The following ZNF121 variants were observed in gnomAD, a reference collection of about 807,000 sequenced individuals.
The protein encoded by ZNF121 is zinc finger protein 121 (clone ZHC32).
A neutral mutation model predicts 2.4 loss-of-function variants in ZNF121; 1 was observed. That is an observed-to-expected ratio of 0.41 (90% confidence interval 0.15 to 1.94). The LOEUF is 1.94. Ranked by LOEUF, ZNF121 falls within the 30% of genes most tolerant of loss-of-function variation. The probability of loss-of-function intolerance (pLI) is 0.30; values close to 1 mark genes in which losing one functional copy is unlikely to be tolerated. For missense variants in ZNF121, 369 were observed against 466.3 expected (o/e 0.79, Z 1.92); for synonymous variants, 173 against 158.6 (o/e 1.09, Z -0.68).
rs1272258821 is a variant in ZNF121, at chr19:9,560,526, C to T, written c.*5414G>A. The T allele has an allele frequency of 6.6e-6, 1 of 152,180 alleles. No individual in the cohort carries two copies. Among genetic ancestry groups the T allele is most frequent in the Non-Finnish European group, 1.5e-5 (1 of 68,038 alleles). 9.4% of individuals were successfully genotyped at this position (152,180 alleles called of 1,614,324 possible). ...CTCCTCCACCAGCTTGTGGCAAATA[C>T]CGCAGTACTTTGTTCTTCTGAGTTT... On this transcript the variant is annotated 3_prime_UTR_variant, in exon 4 of 4. Transcript: ENST00000320451.
At position 9,567,108 on chromosome 19, in the gene ZNF121, G is replaced by A; in HGVS notation, c.5C>T (p.Ala2Val). The A allele has an allele frequency of 6.2e-7, 1 of 1,603,956 alleles. No individual in the cohort carries two copies. The highest frequency in any genetic ancestry group is 8.5e-7 in the Non-Finnish European group (1 of 1,174,918). The change falls in exon 4 of 4, where the codon GCA becomes GTA. Residue 2 changes from alanine (A) to valine (V), a missense_variant and splice_region_variant. Ala to Val is a moderately conservative substitution (Grantham distance 64). Around this residue, in one of 4 missense-constraint regions of ZNF121, gnomAD observed 168 missense variants for 162.3 expected, o/e 1.03. Transcript: ENST00000320451. ...GAGTTCCCCTCCATTGTGGATTTCT[G>A]CCTGTTAATAAAGGGATGAATGATG... Reference protein sequence around the residue: MAEIHNGGELCD... With the variant: MVEIHNGGELCD...
intron 1 of ZNF121, among the ~76,000 whole-genome samples, chr19:9,578,708 C>G (rs957505545): frequency 6.6e-6 from 1 of 152,166 alleles, no homozygotes; most frequent in African/African-American, 2.4e-5. Flanking sequence ...TTAAAGACAT[C>G]TAACACCTGA....
At chr19:9,568,918 C>T (rs572160290) in intron 2 of ZNF121, 84 bp downstream of exon 2, 1 of 152,532 alleles carries the variant, frequency 6.6e-6, no homozygotes, top group Non-Finnish European at 1.5e-5. Context: ...TGTTCTGTGA[C>T]AAAGTACATC....
Position 9,564,399 on chromosome 19 carries a change from A to C in ZNF121, c.*1541T>G, listed in dbSNP as rs887287036. The C allele has an allele frequency of 6.6e-6, 1 of 152,168 alleles. No homozygotes were observed. Among genetic ancestry groups the C allele is most frequent in the African/African-American group, 2.4e-5 (1 of 41,436 alleles). The allele number at this position is 152,168 out of a possible 1,614,324, so 9.4% of individuals were successfully genotyped here. Reference sequence around the variant, plus strand: ...TCTCTAAAAAAAATTTTTTTAATTAAAAAAATAAAAACCAACATTAACCAG... The same window carrying C: ...TCTCTAAAAAAAATTTTTTTAATTACAAAAATAAAAACCAACATTAACCAG... On this transcript the variant is annotated 3_prime_UTR_variant, in exon 4 of 4. Transcript: ENST00000320451.
intron 1 of ZNF121, among the ~76,000 whole-genome samples, chr19:9,579,218 T>C (rs1051644050): frequency 6.6e-6 from 1 of 152,120 alleles, no homozygotes; most frequent in Admixed American, 6.6e-5. Context: ...AGATAATCCT[T>C]GTATGCAGTT....
intron 1 of ZNF121, among the ~76,000 whole-genome samples, chr19:9,578,068 G>A (rs373301198): frequency 1.7e-3 from 252 of 151,368 alleles, no homozygotes; most frequent in African/African-American, 5.7e-3. Context: ...TTAGCCTGGC[G>A]TGGTGCCTGT....
At position 9,561,730 on chromosome 19, in the gene ZNF121, A is replaced by C. The variant is rs1383369250; in HGVS notation, c.*4210T>G. 1.3e-5 allele frequency: 2 copies of C among 152,002 alleles called. No homozygotes were observed. The highest frequency in any genetic ancestry group is 4.8e-5 in the African/African-American group (2 of 41,348). The allele number at this position is 152,002 out of a possible 1,614,324, so 9.4% of individuals were successfully genotyped here. ...AGTGAGACCTCGGCTCTACGAATAA[A>C]AAAATTAAGTGGGTGCGTTAGCATG... is the stretch of plus-strand genomic sequence containing the variant. On this transcript the variant is annotated 3_prime_UTR_variant, in exon 4 of 4. Coordinates refer to ENST00000320451, the MANE Select transcript of ZNF121 (RefSeq NM_001008727.5).
rs1568497997 is a variant in ZNF121, at chr19:9,566,925, AC to A, written c.187del (p.Val63CysfsTer2). On this transcript the variant is annotated frameshift_variant, in exon 4 of 4. Transcript: ENST00000320451. LOFTEE classifies it low-confidence loss of function (END_TRUNC). ...GAAGGCTTTTCTGCACTGATTCAAC[AC>A]AGAAAGTGTCTCTCCAGCAGGGGCA... Reference protein sequence around the residue: ...NSAPAGETLSVLNQCRKAFSL... With the variant: ...NSAPAGETLSXLNQCRKAFSL... 1 of 1,614,190 alleles carries A rather than the reference AC, an allele frequency of 6.2e-7. No individual in the cohort carries two copies. The highest frequency in any genetic ancestry group is 8.5e-7 in the Non-Finnish European group (1 of 1,180,028).
intron 1 of ZNF121, 127 bp from the exon 2 acceptor site, chr19:9,569,209 A>G (rs1037648197): frequency 1.3e-5 from 2 of 152,204 alleles, no homozygotes; most frequent in Non-Finnish European, 1.5e-5. Flanking sequence ...CAAATTTCAT[A>G]TATCTCATCC....
Position 9,562,106 on chromosome 19 carries a change from T to G in ZNF121, c.*3834A>C, listed in dbSNP as rs1191692200. 1 of 151,998 alleles carries G rather than the reference T, an allele frequency of 6.6e-6. No homozygotes were observed. The highest frequency in any genetic ancestry group is 1.5e-5 in the Non-Finnish European group (1 of 67,992). 9.4% of individuals were successfully genotyped at this position (151,998 alleles called of 1,614,324 possible). On this transcript the variant is annotated 3_prime_UTR_variant, in exon 4 of 4. Transcript: ENST00000320451. ...ACTTTGTCTCTCACATCCTGACAAT[T>G]CTGACAATATTTCAAACATTTTCCT...
In ZNF121 at chr19:9,561,258, T is replaced by G. The variant is rs2074099200; in HGVS notation, c.*4682A>C. On this transcript the variant is annotated 3_prime_UTR_variant, in exon 4 of 4. Transcript: ENST00000320451. ...CACCTCCCTACACAGAGACTGCAGC[T>G]TCTAAATAGTATTCTCCATTAAAAT... 1 of 152,208 alleles carries G rather than the reference T, an allele frequency of 6.6e-6. No homozygotes were observed. The highest frequency in any genetic ancestry group is 2.4e-5 in the African/African-American group (1 of 41,464). 9.4% of individuals were successfully genotyped at this position (152,208 alleles called of 1,614,324 possible). A position where few individuals can be genotyped will look rare whatever the true frequency, so the allele number is the denominator to read the frequency against.
chr19:9,569,454 AT>A (rs1215503558), intron 1 of ZNF121, among the ~76,000 whole-genome samples: 1 of 152,164 alleles, frequency 6.6e-6, no homozygotes, highest in African/African-American at 2.4e-5. Flanking sequence ...CTTAAAAAAA[AT>A]AAAATAAAAA....
At chr19:9,568,197 GAAAAA>G in intron 2 of ZNF121, 22 bp from the exon 3 acceptor site, 2 of 1,224,004 alleles carry the variant, frequency 1.6e-6, no homozygotes, top group Non-Finnish European at 2.2e-6. Context: ...CAGAAAAAAA[GAAAAA>G]AAAATAGGGT....
In ZNF121 at chr19:9,563,224, T is replaced by C. The variant is rs1228608039; in HGVS notation, c.*2716A>G. The C allele has an allele frequency of 1.3e-5, 2 of 152,118 alleles. No individual in the cohort carries two copies. Among genetic ancestry groups the C allele is most frequent in the African/African-American group, 2.4e-5 (1 of 41,414 alleles). 9.4% of individuals were successfully genotyped at this position (152,118 alleles called of 1,614,324 possible). On this transcript the variant is annotated 3_prime_UTR_variant, in exon 4 of 4. Transcript: ENST00000320451. ...ACCACTAACACGGAATAAGTTTTAG[T>C]GGTCTGGATAGAAGATCAGACCAGC...
chr19:9,567,166 T>G, intron 3 of ZNF121, 57 bp from the exon 4 acceptor site: 1 of 1,464,532 alleles, frequency 6.8e-7, no homozygotes, highest in Non-Finnish European at 9.2e-7. Flanking sequence ...TCAACAGATT[T>G]TACCCATCTG....
intron 1 of ZNF121, among the ~76,000 whole-genome samples, chr19:9,577,963 T>C (rs2074223036): frequency 6.8e-6 from 1 of 147,364 alleles, no homozygotes; most frequent in African/African-American, 2.5e-5. Flanking sequence ...GAGGCCAAGG[T>C]GGGCAGACCA....
At chr19:9,573,034 T>C (rs1208141827) in intron 1 of ZNF121, among the ~76,000 whole-genome samples, 2 of 151,304 alleles carry the variant, frequency 1.3e-5, no homozygotes, top group Non-Finnish European at 2.9e-5. Context: ...ACAAAAAAGA[T>C]AAAAAGAAAA....
In ZNF121 at chr19:9,565,978, T is replaced by C; in HGVS notation, c.1135A>G (p.Arg379Gly). The C allele has an allele frequency of 6.3e-7, 1 of 1,580,446 alleles. No individual in the cohort carries two copies. Among genetic ancestry groups the C allele is most frequent in the Non-Finnish European group, 8.6e-7 (1 of 1,164,656 alleles). The change falls in exon 4 of 4, where the codon AGA becomes GGA. Residue 379 changes from arginine (R) to glycine (G), a missense_variant. Arg to Gly is a moderately radical substitution (Grantham distance 125, BLOSUM62 -2). This residue lies in a region of ZNF121 where 127 missense variants were observed against 169.9 expected (regional missense o/e 0.75). Coordinates refer to ENST00000320451, the MANE Select transcript of ZNF121 (RefSeq NM_001008727.5). ...AAATGTTTAGTAAGTAAATAAAATC[T>C]ATTGTAGGCTTTCCCACATTCGTTA... is the stretch of plus-strand genomic sequence containing the variant. ...ICNECGKAYN[R>G]FYLLTKHLKT...
At chr19:9,572,464 A>G (rs2144813443) in intron 1 of ZNF121, among the ~76,000 whole-genome samples, 1 of 152,302 alleles carries the variant, frequency 6.6e-6, no homozygotes. Context: ...ATCCCTGAGG[A>G]CATCCAGGGA....
Sources: allele counts gnomAD v4.1 joint callset (sites outside exome capture counted in the v4.1 genomes callset), GRCh38; gene constraint gnomAD v4.1.1; regional missense constraint gnomAD v4.1.1; transcripts MANE v1.5; gene names NCBI Gene and HGNC (gene_info 2026-07-23, HGNC 2026-07-21).